IFI27L1: variants seen among roughly 807,000 people sequenced by gnomAD.
The protein encoded by IFI27L1 is interferon alpha inducible protein 27 like 1, also known as interferon alpha-inducible protein 27-like protein 1.
A neutral mutation model predicts 9.2 loss-of-function variants in IFI27L1; 3 were observed. That is an observed-to-expected ratio of 0.32 (90% confidence interval 0.15 to 0.84). The LOEUF (loss-of-function observed/expected upper bound fraction) is 0.84. IFI27L1 is among the 40% of genes least tolerant of loss of function. The probability of loss-of-function intolerance (pLI) is 0.56; values close to 1 mark genes in which losing one functional copy is unlikely to be tolerated. For missense variants in IFI27L1, 133 were observed against 134.2 expected, an observed-to-expected ratio of 0.99 and a Z score of 0.05; for synonymous variants, 53 against 50.0, an observed-to-expected ratio of 1.06 and a Z score of -0.26.
chr14:94,099,625 C>T (rs1485265867), intron 2 of IFI27L1, among the ~76,000 whole-genome samples: 1 of 152,110 alleles, frequency 6.6e-6, no homozygotes, highest in Non-Finnish European at 1.5e-5. Flanking sequence ...TTCCAGCCTC[C>T]AGAACTGAGA....
chr14:94,083,837 C>T (rs1886191723), intron 1 of IFI27L1, among the ~76,000 whole-genome samples: 1 of 152,086 alleles, frequency 6.6e-6, no homozygotes, highest in South Asian at 2.1e-4. Flanking sequence ...TCCCTGTAGT[C>T]CCAGCTATCC....
At chr14:94,092,325 A>G (rs1024445849) in intron 1 of IFI27L1, among the ~76,000 whole-genome samples, 1 of 152,000 alleles carries the variant, frequency 6.6e-6, no homozygotes, top group Non-Finnish European at 1.5e-5. Flanking sequence ...CAGCCAGATC[A>G]ACATGGTGCA....
chr14:94,101,608 G>A (rs1166120872), intron 3 of IFI27L1, among the ~76,000 whole-genome samples: 1 of 152,364 alleles, frequency 6.6e-6, no homozygotes, highest in African/African-American at 2.4e-5. Context: ...TGAAACAGGC[G>A]TAAACAAGCC....
At chr14:94,093,062 A>G (rs1365059221) in intron 1 of IFI27L1, among the ~76,000 whole-genome samples, 1 of 151,726 alleles carries the variant, frequency 6.6e-6, no homozygotes, top group Non-Finnish European at 1.5e-5. Flanking sequence ...ATTCCAACAC[A>G]TCCCAATACC....
chr14:94,101,367 G>T, intron 3 of IFI27L1: 1 of 218,396 alleles, frequency 4.6e-6, no homozygotes, highest in Non-Finnish European at 9.1e-6. Flanking sequence ...GGAGATTTTG[G>T]GGAGCCCTAG....
chr14:94,098,989 TACCACAA>T (rs1886785177), intron 2 of IFI27L1, among the ~76,000 whole-genome samples: 1 of 152,184 alleles, frequency 6.6e-6, no homozygotes, highest in African/African-American at 2.4e-5. Flanking sequence ...TGGACAGAAC[TACCACAA>T]GGAGCTTTGC....
intron 1 of IFI27L1, among the ~76,000 whole-genome samples, chr14:94,092,056 G>A (rs575551271): frequency 6.6e-6 from 1 of 151,850 alleles, no homozygotes; most frequent in Admixed American, 6.6e-5. Context: ...AACCTGGGCA[G>A]TGGAGGTTGC....
chr14:94,093,615 A>C (rs1886563871), intron 1 of IFI27L1, among the ~76,000 whole-genome samples: 1 of 152,216 alleles, frequency 6.6e-6, no homozygotes, highest in South Asian at 2.1e-4. Context: ...GGAAGTCAGC[A>C]TGGATTGGTG....
intron 2 of IFI27L1, chr14:94,097,460 C>T (rs576033768): frequency 5.1e-6 from 3 of 593,856 alleles, no homozygotes; most frequent in South Asian, 2.1e-5. Context: ...TTGGCATAAG[C>T]GACTCCATTT....
chr14:94,088,159 G>A, intron 1 of IFI27L1: 1 of 679,858 alleles, frequency 1.5e-6, no homozygotes, highest in Non-Finnish European at 2.7e-6. Context: ...ACTCCCCTGT[G>A]CAAGGATGTG....
chr14:94,102,138 G>A (rs1305080970), intron 4 of IFI27L1, 163 bp downstream of exon 4: 1 of 735,366 alleles, frequency 1.4e-6, no homozygotes, highest in Admixed American at 2.4e-5. Context: ...GACCAGGGGT[G>A]CAGCCTAAGA....
intron 1 of IFI27L1, chr14:94,088,220 A>G (rs1300571651): frequency 1.4e-6 from 1 of 702,170 alleles, no homozygotes; most frequent in East Asian, 2.7e-5. Context: ...ACTGCCAAGC[A>G]TTGTAGTAGG....
intron 1 of IFI27L1, among the ~76,000 whole-genome samples, chr14:94,089,517 C>A (rs550256397): frequency 6.6e-6 from 1 of 152,322 alleles, no homozygotes; most frequent in Non-Finnish European, 1.5e-5. Context: ...TCACTCTCAT[C>A]ACCGTCTTGG....
At chr14:94,096,604 G>A (rs1183122811) in intron 1 of IFI27L1, among the ~76,000 whole-genome samples, 1 of 150,896 alleles carries the variant, frequency 6.6e-6, no homozygotes, top group African/African-American at 2.4e-5. Flanking sequence ...TGAGGGAGGA[G>A]AATCGCTTGA....
intron 4 of IFI27L1, 155 bp downstream of exon 4, chr14:94,102,130 C>T: frequency 1.3e-6 from 1 of 782,504 alleles, no homozygotes; most frequent in East Asian, 2.6e-5. Context: ...GGAGGTGGGA[C>T]CAGGGGTGCA....
intron 1 of IFI27L1, among the ~76,000 whole-genome samples, chr14:94,084,749 C>G (rs533286897): frequency 1.3e-5 from 2 of 152,276 alleles, no homozygotes; most frequent in African/African-American, 4.8e-5. Flanking sequence ...GTCTAGTGAC[C>G]TTGCAGCTGC....
Position 94,102,558 on chromosome 14 carries a change from C to T in IFI27L1, c.305C>T (p.Pro102Leu), listed in dbSNP as rs770616784. 1.3e-5 allele frequency: 20 copies of T among 1,561,670 alleles called. No homozygotes were observed. In the South Asian group the frequency reaches 2.4e-4, roughly 19 times the overall value. ...CTTGGGGCCTGGCTGGGTTCACCCC[C>T]TTCCAGCTGAACACCACACTGAGGC... is the stretch of plus-strand genomic sequence containing the variant. The part of the protein sequence containing the change: ...TALGAWLGSP[P>L]SS The change falls in exon 5 of 5, where the codon CCT becomes CTT. Residue 102 changes from proline (P) to leucine (L), a missense_variant. By Grantham distance (98) the Pro-to-Leu change is moderately conservative. Coordinates refer to ENST00000555523, the MANE Select transcript of IFI27L1 (RefSeq NM_206949.3).
chr14:94,102,183 G>A, intron 4 of IFI27L1: 2 of 620,150 alleles, frequency 3.2e-6, no homozygotes, highest in South Asian at 3.9e-5. Flanking sequence ...CAAAACCCAG[G>A]CAGGTCTCCT....
chr14:94,081,884 A>G (rs540401786), intron 1 of IFI27L1, among the ~76,000 whole-genome samples: 8 of 152,312 alleles, frequency 5.3e-5, no homozygotes, highest in African/African-American at 1.9e-4. Context: ...CAGTGTTGAA[A>G]TTAGGTCAAT....
Sources: gnomAD v4.1 joint callset for allele counts (sites outside exome capture counted in the v4.1 genomes callset) on GRCh38, gnomAD v4.1.1 for gene constraint, MANE v1.5 for transcripts, NCBI Gene and HGNC (gene_info 2026-07-23, HGNC 2026-07-21) for gene names.